TBC1D13: variants seen among roughly 807,000 people sequenced by gnomAD.
The protein encoded by TBC1D13 is epididymis secretory sperm binding protein.
In TBC1D13, 40 loss-of-function variants were observed where a neutral mutation model predicts 53.6. The observed-to-expected ratio is 0.75, with a 90% confidence interval of 0.58 to 0.97. TBC1D13 has a LOEUF of 0.97. Ranked by LOEUF, TBC1D13 falls within the 50% of genes least tolerant of loss-of-function variation. The pLI is 0.00. For synonymous variants in TBC1D13, 182 were observed against 197.7 expected (o/e 0.92, Z 0.67); for missense variants, 377 against 499.4 (o/e 0.75, Z 2.34).
At chr9:128,790,864 T>C in intron 3 of TBC1D13, 89 bp downstream of exon 3, 1 of 1,349,042 alleles carries the variant, frequency 7.4e-7, no homozygotes, top group East Asian at 2.5e-5. Flanking sequence ...TTCTTCCTCC[T>C]GTTCTGCACC....
At chr9:128,793,106 G>C (rs915458882) in intron 6 of TBC1D13, among the ~76,000 whole-genome samples, 1 of 152,238 alleles carries the variant, frequency 6.6e-6, no homozygotes. Context: ...GAAGAGTGCA[G>C]CAAAGGCCAT....
At chr9:128,807,540 A>G (rs1829859734) in intron 11 of TBC1D13, among the ~76,000 whole-genome samples, 1 of 152,176 alleles carries the variant, frequency 6.6e-6, no homozygotes, top group Admixed American at 6.5e-5. Flanking sequence ...CAGTGGCAGT[A>G]GTGGGAGAGC....
rs1564422675 is a variant in TBC1D13, at chr9:128,791,376, G to A, written c.139-4G>A. The A allele has an allele frequency of 1.2e-6, 2 of 1,614,132 alleles. No homozygotes were observed. Among genetic ancestry groups the A allele is most frequent in the Non-Finnish European group, 1.7e-6 (2 of 1,179,986 alleles). On this transcript the variant is annotated splice_polypyrimidine_tract_variant and splice_region_variant and intron_variant, in intron 3 of 11. Transcript: ENST00000372648. ...CAGAGCTTTGCCCTTCTCCCTCTGT[G>A]CAGATTCTCTTGAACTACCTTCCCT...
intron 11 of TBC1D13, 44 bp downstream of exon 11, chr9:128,806,355 G>A: frequency 6.2e-7 from 1 of 1,609,978 alleles, no homozygotes; most frequent in Non-Finnish European, 8.5e-7. Flanking sequence ...CATGAGGCTG[G>A]CACTCGCCAG....
At chr9:128,796,335 C>T (rs965016764) in intron 6 of TBC1D13, among the ~76,000 whole-genome samples, 3 of 152,032 alleles carry the variant, frequency 2.0e-5, no homozygotes, top group Non-Finnish European at 2.9e-5. Flanking sequence ...CTGCAACCTC[C>T]GCCTCCCAGG....
intron 2 of TBC1D13, chr9:128,789,792 C>CCT (rs1564422216): frequency 3.2e-4 from 3 of 9,302 alleles, no homozygotes; most frequent in Non-Finnish European, 5.8e-4. Flanking sequence ...GAAAATACAC[C>CCT]ATATATATAT....
rs775021871 is a variant in TBC1D13, at chr9:128,806,333, C to T, written c.1137+22C>T. On this transcript the variant is annotated intron_variant, in intron 11 of 11. Transcript: ENST00000372648. ...GCAGGTAATGGGAGTTGGGGGCAGG[C>T]TCAGCCACTGCCATGAGGCTGGCAC... is the stretch of plus-strand genomic sequence containing the variant. The T allele has an allele frequency of 1.9e-6, 3 of 1,613,830 alleles. 1 individual carries two copies. Among genetic ancestry groups the T allele is most frequent in the South Asian group, 2.2e-5 (2 of 91,084 alleles).
intron 6 of TBC1D13, among the ~76,000 whole-genome samples, chr9:128,792,952 G>A (rs1829561931): frequency 6.6e-6 from 1 of 152,214 alleles, no homozygotes; most frequent in Non-Finnish European, 1.5e-5. Flanking sequence ...AAGGGAGGAT[G>A]GCAAGACAGA....
intron 11 of TBC1D13, among the ~76,000 whole-genome samples, chr9:128,806,757 A>G (rs1329897628): frequency 3.9e-4 from 60 of 152,118 alleles, no homozygotes. Flanking sequence ...AGCCTGGCCA[A>G]CATGGCGAAA....
Position 128,810,117 on chromosome 9 carries a change from G to T in TBC1D13, c.*2238G>T, listed in dbSNP as rs1437813060. 6.6e-6 allele frequency: 1 copy of T among 152,202 alleles called. No individual in the cohort carries two copies. The highest frequency in any genetic ancestry group is 1.5e-5 in the Non-Finnish European group (1 of 68,070). The allele number at this position is 152,202 out of a possible 1,614,324, so 9.4% of individuals were successfully genotyped here. On this transcript the variant is annotated 3_prime_UTR_variant, in exon 12 of 12. Transcript: ENST00000372648. Reference sequence around the variant, plus strand: ...TTGAGATGAAGGTCAAGAGCACAGGGACCAGGCCTTGGTTAGGCTGAGCTC... The same window carrying T: ...TTGAGATGAAGGTCAAGAGCACAGGTACCAGGCCTTGGTTAGGCTGAGCTC...
rs372433409 is a variant in TBC1D13 at position 128,790,676 on chromosome 9, A to C, written c.98-59A>C. 8.3e-4 allele frequency: 1,244 copies of C among 1,495,322 alleles called. 3 individuals carry two copies. Among genetic ancestry groups the C allele is most frequent in the Non-Finnish European group, 1.1e-3 (1,198 of 1,122,184 alleles). The allele number at this position is 1,495,322 out of a possible 1,614,324, so 92.6% of individuals were successfully genotyped here. On this transcript the variant is annotated intron_variant, in intron 2 of 11. Coordinates refer to ENST00000372648, the MANE Select transcript of TBC1D13 (RefSeq NM_018201.5). ...TCCCCGCCAGTTGGCTCCACGGTGA[A>C]GGGCTGGGGGTTCTGGGACTCTGGC...
rs370332487 is a variant in TBC1D13 at position 128,803,490 on chromosome 9, C to T, written c.754+30C>T. ...GAAGGCTCTTGGTGCCCACATCCCT[C>T]GTTGCTGGCCCGTGTCAGGCTGTGC... is the stretch of plus-strand genomic sequence containing the variant. On this transcript the variant is annotated intron_variant, in intron 8 of 11. Coordinates refer to ENST00000372648, the MANE Select transcript of TBC1D13 (RefSeq NM_018201.5). 138 of 1,604,292 alleles carry T rather than the reference C, an allele frequency of 8.6e-5. 1 individual carries two copies. Among genetic ancestry groups the T allele is most frequent in the Non-Finnish European group, 1.0e-4 (117 of 1,172,082 alleles).
chr9:128,787,839 C>G lies in TBC1D13; in HGVS notation c.23+463C>G, dbSNP rs191727576. On this transcript the variant is annotated intron_variant, in intron 1 of 11. Coordinates refer to ENST00000372648, the MANE Select transcript of TBC1D13 (RefSeq NM_018201.5). The stretch of plus-strand genomic sequence containing the variant: ...CTCACTCTTCAGTTTTCCTTCAGGA[C>G]GTGTTTTTTAAACCCTTTGTCCTTG... Among the ~76,000 whole-genome samples, 107 of 152,264 alleles carry G rather than the reference C, an allele frequency of 7.0e-4. 2 individuals carry two copies. The highest frequency in any genetic ancestry group is 6.9e-3 in the Admixed American group (105 of 15,294).
chr9:128,795,767 AT>A (rs924532708), intron 6 of TBC1D13, among the ~76,000 whole-genome samples: 44 of 150,826 alleles, frequency 2.9e-4, no homozygotes, highest in African/African-American at 1.0e-3. Flanking sequence ...GCCCCAACTA[AT>A]TTTTTTTACA....
chr9:128,806,332 G>T (rs1350196314), intron 11 of TBC1D13, 21 bp downstream of exon 11: 3 of 1,613,686 alleles, frequency 1.9e-6, no homozygotes, highest in Non-Finnish European at 8.5e-7. Flanking sequence ...TTGGGGGCAG[G>T]CTCAGCCACT....
rs750495253 is a variant in TBC1D13 at position 128,788,338 on chromosome 9, G to T, written c.28G>T (p.Ala10Ser). 4 of 1,613,962 alleles carry T rather than the reference G, an allele frequency of 2.5e-6. No homozygotes were observed. The highest frequency in any genetic ancestry group is 3.4e-6 in the Non-Finnish European group (4 of 1,179,984). The change falls in exon 2 of 12, where the codon GCA (alanine) becomes TCA (serine). Residue 10 changes from alanine to serine, a missense_variant. Ala to Ser is a moderately conservative substitution (Grantham distance 99). Coordinates refer to ENST00000372648, the MANE Select transcript of TBC1D13 (RefSeq NM_018201.5). ...CCGCCCTATCTCCCCTTCCAGAATT[G>T]CAGATTTCCAGGATGTCCTGAAGGA... MSSLHKSRI[A>S]DFQDVLKEPS...
intron 10 of TBC1D13, 101 bp from the exon 11 acceptor site, chr9:128,806,152 AG>A: frequency 1.3e-6 from 2 of 1,597,218 alleles, no homozygotes; most frequent in Non-Finnish European, 1.7e-6. Context: ...AGTCCTTGGG[AG>A]GGCGACAAAC....
chr9:128,791,830 T>A, intron 5 of TBC1D13, 137 bp downstream of exon 5: 1 of 702,032 alleles, frequency 1.4e-6, no homozygotes, highest in South Asian at 1.7e-5. Flanking sequence ...CAGTTCCTCC[T>A]TTCTGCGTTG....
At chr9:128,796,200 G>A (rs994031615) in intron 6 of TBC1D13, among the ~76,000 whole-genome samples, 1 of 151,774 alleles carries the variant, frequency 6.6e-6, no homozygotes, top group Non-Finnish European at 1.5e-5. Flanking sequence ...CAATTCCTGT[G>A]TCAGCCTCCC....
Sources: gnomAD v4.1 joint callset for allele counts (sites outside exome capture counted in the v4.1 genomes callset) on GRCh38, gnomAD v4.1.1 for gene constraint, MANE v1.5 for transcripts, NCBI Gene and HGNC (gene_info 2026-07-23, HGNC 2026-07-21) for gene names.